Variants in SLC35E4 observed in about 807,000 individuals in gnomAD.
SLC35E4 encodes the protein solute carrier family 35 member E4.
SLC35E4 carries 15 observed loss-of-function variants against 19.3 expected under a neutral mutation model. The observed-to-expected ratio is 0.78, with a 90% CI of 0.52 to 1.20. The LOEUF (loss-of-function observed/expected upper bound fraction) is 1.20. Ranked by LOEUF, SLC35E4 falls within the 50% of genes most tolerant of loss-of-function variation. The pLI is 0.00. For missense variants in SLC35E4, 406 were observed against 472.3 expected (o/e 0.86, Z 1.30); for synonymous variants, 219 against 219.9 (o/e 1.00, Z 0.04).
chr22:30,646,552 G>T, intron 1 of SLC35E4, 46 bp from the exon 2 acceptor site: 1 of 1,560,042 alleles, frequency 6.4e-7, no homozygotes. Context: ...GGTGGCTGGA[G>T]GGGGTTGTGT....
At chr22:30,663,987 C>T (rs145095975), downstream of SLC35E4, 24 of 1,613,022 alleles carry the variant, frequency 1.5e-5, no homozygotes, top group African/African-American at 2.4e-4. Flanking sequence ...TGGGAAGGCA[C>T]ACGAGGGTGC....
chr22:30,663,758 G>A, downstream of SLC35E4: 1 of 1,614,232 alleles, frequency 6.2e-7, no homozygotes, highest in Non-Finnish European at 8.5e-7. Flanking sequence ...TAGGGTCAAA[G>A]AAGTCACAGA....
At chr22:30,653,183 G>C (rs1464970872) in intron 2 of SLC35E4, among the ~76,000 whole-genome samples, 2 of 152,168 alleles carry the variant, frequency 1.3e-5, no homozygotes, top group African/African-American at 4.8e-5. Context: ...GGCAGGTCAA[G>C]GCCTGGGCTC....
At chr22:30,669,004 CAA>C (rs900327936) in exon 3 of SLC35E4, 2 of 151,850 alleles carry the variant, frequency 1.3e-5, no homozygotes, top group Non-Finnish European at 2.9e-5. Flanking sequence ...TTTAAAAAAA[CAA>C]AAAACTCTCA....
At chr22:30,659,049 G>A (rs1015205306) in intron 2 of SLC35E4, among the ~76,000 whole-genome samples, 1 of 150,602 alleles carries the variant, frequency 6.6e-6, no homozygotes, top group African/African-American at 2.5e-5. Flanking sequence ...GCGTGAACCT[G>A]GGAGGCGGAG....
Position 30,636,287 on chromosome 22 carries a change from A to T in SLC35E4, c.-164A>T, listed in dbSNP as rs1240114714. On this transcript the variant is annotated 5_prime_UTR_variant, in exon 1 of 2. Coordinates refer to ENST00000343605, the MANE Select transcript of SLC35E4 (RefSeq NM_001001479.4). ...TGGAAACACAGCTTAGCTTCTAGAC[A>T]TCGCTGGCACAGGCCTGGCACAAGT... is the stretch of plus-strand genomic sequence containing the variant. 3 of 1,025,916 alleles carry T rather than the reference A, an allele frequency of 2.9e-6. No individual in the cohort carries two copies. The highest frequency in any genetic ancestry group is 4.1e-6 in the Non-Finnish European group (3 of 738,484). The allele number at this position is 1,025,916 out of a possible 1,614,324, so 63.6% of individuals were successfully genotyped here. A position where few individuals can be genotyped will look rare whatever the true frequency, so the allele number is the denominator to read the frequency against.
At chr22:30,642,125 C>T (rs947837998) in intron 1 of SLC35E4, among the ~76,000 whole-genome samples, 6 of 152,048 alleles carry the variant, frequency 3.9e-5, no homozygotes, top group Non-Finnish European at 5.9e-5. Flanking sequence ...AATCCTCCCA[C>T]CTCAGCCTCC....
At chr22:30,654,558 G>A in intron 2 of SLC35E4, 1 of 446,048 alleles carries the variant, frequency 2.2e-6, no homozygotes, top group Non-Finnish European at 4.5e-6. Context: ...GCATGCCTCG[G>A]GGTCCGCCAG....
chr22:30,668,232 G>A (rs1376969478), downstream of SLC35E4: 1 of 153,172 alleles, frequency 6.5e-6, no homozygotes, highest in African/African-American at 2.4e-5. Flanking sequence ...CCGCCGCTAA[G>A]TAATCGGCGT....
chr22:30,646,317 T>C (rs1221962162), intron 1 of SLC35E4, among the ~76,000 whole-genome samples: 1 of 152,164 alleles, frequency 6.6e-6, no homozygotes, highest in Non-Finnish European at 1.5e-5. Flanking sequence ...AACCCGTGAT[T>C]AGGTTTTATT....
chr22:30,647,178 A>G lies in SLC35E4; in HGVS notation c.*147A>G. 1 of 999,288 alleles carries G rather than the reference A, an allele frequency of 1.0e-6. No individual in the cohort carries two copies. Among genetic ancestry groups the G allele is most frequent in the Non-Finnish European group, 1.4e-6 (1 of 704,866 alleles). The allele number at this position is 999,288 out of a possible 1,614,324, so 61.9% of individuals were successfully genotyped here. On this transcript the variant is annotated 3_prime_UTR_variant, in exon 2 of 2. Coordinates refer to ENST00000343605, the MANE Select transcript of SLC35E4 (RefSeq NM_001001479.4). ...TTCCAGAGTCCGAGGTGGGTGGATC[A>G]CCTGAGGCCAGGAGTTCGAGACCAG...
At chr22:30,666,621 C>CAAAAAAAAAAAAAA (rs55979351), downstream of SLC35E4, among the ~76,000 whole-genome samples, 5 of 62,496 alleles carry the variant, frequency 8.0e-5, no homozygotes, top group East Asian at 5.6e-4. Flanking sequence ...GACTCCATCT[C>CAAAAAAAAAAAAAA]AAAAAAAAAA....
At position 30,653,374 on chromosome 22, in the gene SLC35E4, CTTT is replaced by C. The variant is rs892435016; in HGVS notation, c.*8+4134_*8+4136del. Among the ~76,000 whole-genome samples the C allele has an allele frequency of 1.9e-4, 27 of 142,568 alleles. No individual in the cohort carries two copies. In the East Asian group the frequency reaches 3.9e-3, roughly 20 times the overall value. The allele number at this position is 142,568 out of a possible 152,430, so 93.5% of individuals were successfully genotyped here. ...ACCCTCATGTGCCCCCTTCCTCCTT[CTTT>C]TTTTTTTTTTTTGAGACAGAGTCTT... is the stretch of plus-strand genomic sequence containing the variant. On this transcript the variant is annotated intron_variant, in intron 2 of 2. Coordinates refer to the SLC35E4 transcript ENST00000406566.
Position 30,636,758 on chromosome 22 carries a change from C to G in SLC35E4, c.308C>G (p.Pro103Arg), listed in dbSNP as rs773475006. ...ACHRGARRPMPGGTRCRVLLL... is the reference protein window; with the variant it reads ...ACHRGARRPMRGGTRCRVLLL... ...CACCGGGGGGCACGGCGCCCCATGC[C>G]AGGCGGCACTCGCTGCCGAGTCCTA... Residue 103 changes from proline to arginine, a missense_variant, in exon 1 of 2, where the codon CCA (proline) becomes CGA (arginine). By Grantham distance (103) the Pro-to-Arg change is moderately radical. Coordinates refer to ENST00000343605, the MANE Select transcript of SLC35E4 (RefSeq NM_001001479.4). The G allele has an allele frequency of 1.2e-6, 2 of 1,612,228 alleles. No individual in the cohort carries two copies. The highest frequency in any genetic ancestry group is 3.3e-5 in the Admixed American group (2 of 59,938).
At chr22:30,655,426 TACCAA>T (rs2088316662) in intron 2 of SLC35E4, among the ~76,000 whole-genome samples, 1 of 23,504 alleles carries the variant, frequency 4.3e-5, no homozygotes, top group South Asian at 4.2e-3. Flanking sequence ...AGTGAGATCC[TACCAA>T]AAAAAAAAAA....
intron 1 of SLC35E4, among the ~76,000 whole-genome samples, chr22:30,642,853 C>A (rs954624290): frequency 1.3e-5 from 2 of 151,396 alleles, no homozygotes; most frequent in African/African-American, 4.9e-5. Flanking sequence ...CACAGTGAAA[C>A]CCCGTCTCTA....
exon 3 of SLC35E4, chr22:30,662,820 C>T (rs1878582903): frequency 6.6e-6 from 1 of 152,498 alleles, no homozygotes; most frequent in Non-Finnish European, 1.5e-5. Flanking sequence ...CAGAGCAGGA[C>T]AGTTTCAAAA....
At chr22:30,654,743 AGCC>A (rs1278123097) in intron 2 of SLC35E4, 2 of 281,450 alleles carry the variant, frequency 7.1e-6, no homozygotes, top group Non-Finnish European at 1.4e-5. Flanking sequence ...CGGCCTGCTT[AGCC>A]ACCATGGCCC....
intron 2 of SLC35E4, among the ~76,000 whole-genome samples, chr22:30,658,919 TG>T (rs2088400683): frequency 1.3e-5 from 2 of 151,088 alleles, no homozygotes; most frequent in Non-Finnish European, 3.0e-5. Context: ...CTGAGGCGGG[TG>T]GATCACGAGA....
Sources: allele counts gnomAD v4.1 joint callset (sites outside exome capture counted in the v4.1 genomes callset), GRCh38; gene constraint gnomAD v4.1.1; transcripts MANE v1.5; gene names NCBI Gene and HGNC (gene_info 2026-07-23, HGNC 2026-07-21).